The following ARHGAP15 variants were observed in gnomAD, a reference collection of about 807,000 sequenced individuals.
ARHGAP15 encodes Rho GTPase activating protein 15, also known as rho GTPase-activating protein 15.
Under a neutral mutation model 63.7 loss-of-function variants are expected in ARHGAP15, and 51 were observed. The ratio of observed to expected loss-of-function variants is 0.80; its 90% CI spans 0.64 to 1.01. ARHGAP15 has a LOEUF of 1.01. Ranked by LOEUF, ARHGAP15 falls within the 50% of genes least tolerant of loss-of-function variation. The pLI is 0.00. For missense variants in ARHGAP15, 560 were observed against 564.6 expected (o/e 0.99, Z 0.08); for synonymous variants, 191 against 193.8 (o/e 0.99, Z 0.12).
chr2:143,693,150 C>T (rs1007207846), intron 12 of ARHGAP15, among the ~76,000 whole-genome samples: 2 of 152,178 alleles, frequency 1.3e-5, no homozygotes, highest in Middle Eastern at 3.4e-3. Context: ...CCTTCATGTG[C>T]GAATATTTCT....
intron 6 of ARHGAP15, among the ~76,000 whole-genome samples, chr2:143,410,323 ATAGTAACAAATT>A: frequency 6.6e-6 from 1 of 152,158 alleles, no homozygotes; most frequent in East Asian, 1.9e-4. Flanking sequence ...ACACATGTGC[ATAGTAACAAATT>A]CATCTTTGAG....
chr2:143,717,058 A>G (rs1345676869), intron 13 of ARHGAP15, among the ~76,000 whole-genome samples: 1 of 152,234 alleles, frequency 6.6e-6, no homozygotes. Flanking sequence ...AACATTTATT[A>G]ATGCTTGTGT....
At chr2:143,744,458 A>T (rs756372908) in intron 13 of ARHGAP15, among the ~76,000 whole-genome samples, 8 of 152,238 alleles carry the variant, frequency 5.3e-5, no homozygotes, top group Non-Finnish European at 1.0e-4. Flanking sequence ...GCAAGAATTC[A>T]GATTCAACAA....
chr2:143,709,363 G>T (rs1235254785), intron 13 of ARHGAP15, among the ~76,000 whole-genome samples: 3 of 152,196 alleles, frequency 2.0e-5, no homozygotes, highest in Non-Finnish European at 4.4e-5. Flanking sequence ...AATGACTTAG[G>T]AAGTAATGTT....
In ARHGAP15 at chr2:143,720,841, G is replaced by T. The variant is rs566926840; in HGVS notation, c.1244+17317G>T. Among the ~76,000 whole-genome samples, 19 of 152,148 alleles carry T rather than the reference G, an allele frequency of 1.2e-4. No homozygotes were observed. The East Asian group carries it at 1.4e-3, about 11-fold the overall frequency. On this transcript the variant is annotated intron_variant, in intron 13 of 13. Coordinates refer to ENST00000295095, the MANE Select transcript of ARHGAP15 (RefSeq NM_018460.4). ...TCCCAGCACTTTTGGAGGCCGAGGC[G>T]GGCGGATCACAAGGTCAGGAGATCA...
chr2:143,366,304 T>C (rs1470628920), intron 6 of ARHGAP15, among the ~76,000 whole-genome samples: 5 of 152,138 alleles, frequency 3.3e-5, no homozygotes, highest in Non-Finnish European at 7.4e-5. Flanking sequence ...TAATGTAGAT[T>C]GTGGAAAATC....
chr2:143,248,026 A>G (rs751780879), intron 5 of ARHGAP15, among the ~76,000 whole-genome samples: 5 of 152,250 alleles, frequency 3.3e-5, no homozygotes, highest in Non-Finnish European at 5.9e-5. Context: ...TGGGAAAAAC[A>G]GTAGAGGAAA....
At chr2:143,388,849 T>A (rs955325588) in intron 6 of ARHGAP15, among the ~76,000 whole-genome samples, 1 of 152,086 alleles carries the variant, frequency 6.6e-6, no homozygotes, top group African/African-American at 2.4e-5. Flanking sequence ...AAAATCTTTT[T>A]AAAGGATTAA....
At chr2:143,222,124 C>A (rs1186649834) in intron 4 of ARHGAP15, among the ~76,000 whole-genome samples, 1 of 152,182 alleles carries the variant, frequency 6.6e-6, no homozygotes, top group Admixed American at 6.5e-5. Flanking sequence ...TTTGACCCAC[C>A]TTTTAGCAGT....
At chr2:143,663,690 A>G (rs1317546601) in intron 12 of ARHGAP15, among the ~76,000 whole-genome samples, 1 of 152,100 alleles carries the variant, frequency 6.6e-6, no homozygotes, top group Admixed American at 6.6e-5. Context: ...GCAGAGACAC[A>G]TATAGGCTCA....
intron 8 of ARHGAP15, among the ~76,000 whole-genome samples, chr2:143,484,439 C>T (rs186365263): frequency 2.6e-4 from 40 of 151,354 alleles, no homozygotes; most frequent in African/African-American, 9.0e-4. Context: ...GGCTGAGGCA[C>T]GAGAATCACT....
intron 13 of ARHGAP15, among the ~76,000 whole-genome samples, chr2:143,709,691 C>T (rs530794429): frequency 7.2e-5 from 11 of 151,914 alleles, no homozygotes; most frequent in African/African-American, 2.7e-4. Flanking sequence ...TCTCTGTGGT[C>T]TTCATGGATA....
At chr2:143,618,381 TG>T (rs1413249458) in intron 11 of ARHGAP15, among the ~76,000 whole-genome samples, 3 of 152,218 alleles carry the variant, frequency 2.0e-5, no homozygotes, top group African/African-American at 7.2e-5. Context: ...GTGACTTTCA[TG>T]TACCCAGCAG....
chr2:143,321,396 C>G (rs1380657023), intron 6 of ARHGAP15, among the ~76,000 whole-genome samples: 3 of 152,196 alleles, frequency 2.0e-5, no homozygotes, highest in Admixed American at 6.5e-5. Context: ...TATTTATAAA[C>G]AGTTTTGCTC....
intron 8 of ARHGAP15, among the ~76,000 whole-genome samples, chr2:143,478,197 A>C (rs894173803): frequency 1.3e-5 from 2 of 152,180 alleles, no homozygotes; most frequent in East Asian, 3.8e-4. Flanking sequence ...TGGTGGTTAC[A>C]GTTCTGTCCT....
intron 6 of ARHGAP15, among the ~76,000 whole-genome samples, chr2:143,318,980 C>T (rs1001303068): frequency 6.6e-6 from 1 of 152,126 alleles, no homozygotes; most frequent in African/African-American, 2.4e-5. Flanking sequence ...ACCTCAACTG[C>T]AGTCCTGAAA....
chr2:143,322,212 C>CT (rs1574272342), intron 6 of ARHGAP15, among the ~76,000 whole-genome samples: 1 of 152,174 alleles, frequency 6.6e-6, no homozygotes, highest in African/African-American at 2.4e-5. Context: ...AGTGGCTGGA[C>CT]TCCTAAGCAG....
rs537479650 is a variant in ARHGAP15, at chr2:143,671,421, G to A, written c.1139-31998G>A. ...GCTAAAGTGCATCATTCTTGATTTA[G>A]GAGATAATTTTGCCTTTGGTGAGAA... On this transcript the variant is annotated intron_variant, in intron 12 of 13. Coordinates refer to ENST00000295095, the MANE Select transcript of ARHGAP15 (RefSeq NM_018460.4). Among the ~76,000 whole-genome samples, 20 of 152,118 alleles carry A rather than the reference G, an allele frequency of 1.3e-4. 1 individual carries two copies. Among genetic ancestry groups the A allele is most frequent in the African/African-American group, 4.8e-4 (20 of 41,476 alleles).
intron 3 of ARHGAP15, 62 bp downstream of exon 3, chr2:143,202,264 A>G (rs1692151104): frequency 1.5e-6 from 2 of 1,353,502 alleles, no homozygotes; most frequent in Admixed American, 3.4e-5. Context: ...CACAAAACTC[A>G]GCAACTTAGA....
Sources: gnomAD v4.1 joint callset for allele counts (sites outside exome capture counted in the v4.1 genomes callset) on GRCh38, gnomAD v4.1.1 for gene constraint, MANE v1.5 for transcripts, NCBI Gene and HGNC (gene_info 2026-07-23, HGNC 2026-07-21) for gene names.